ZNF600: variants seen among roughly 807,000 people sequenced by gnomAD.
The protein encoded by ZNF600 is zinc finger protein KR-ZNF1.
In ZNF600, 4 loss-of-function variants were observed where a neutral mutation model predicts 7.3. The ratio of observed to expected loss-of-function variants is 0.55; its 90% CI spans 0.27 to 1.25. ZNF600 has a LOEUF of 1.25. ZNF600 is among the 50% of genes most tolerant of loss of function. The pLI is 0.12. For synonymous variants in ZNF600, 290 were observed against 308.9 expected, an observed-to-expected ratio of 0.94 and a Z score of 0.64; for missense variants, 911 against 922.1, an observed-to-expected ratio of 0.99 and a Z score of 0.16.
At chr19:52,776,080 C>CATGTGCTATAT (rs72336748) in intron 2 of ZNF600, among the ~76,000 whole-genome samples, 2 of 19,404 alleles carry the variant, frequency 1.0e-4, no homozygotes, top group South Asian at 9.8e-4. Context: ...GAATGCTTCC[C>CATGTGCTATAT]ACTGTTCTAA....
chr19:52,795,527 C>T, the ZNF600 span, among the ~76,000 whole-genome samples: 4 of 151,982 alleles, frequency 2.6e-5, no homozygotes, highest in African/African-American at 7.2e-5. Flanking sequence ...GATGTGACTT[C>T]GTAAGATTAT....
At chr19:52,774,947 A>G (rs1266827947) in intron 2 of ZNF600, among the ~76,000 whole-genome samples, 2 of 152,204 alleles carry the variant, frequency 1.3e-5, no homozygotes, top group Non-Finnish European at 2.9e-5. Flanking sequence ...AAAAATAAAA[A>G]GGAAACACAG....
At chr19:52,764,999 G>A (rs114927671) in exon 4 of ZNF600, 3,662 of 230,672 alleles carry the variant, frequency 0.016, 127 homozygotes, top group African/African-American at 0.075. Flanking sequence ...GCCTCCAACC[G>A]TGCTGGAATT....
At chr19:52,778,934 T>A (rs765370867) in intron 1 of ZNF600, 27 bp from the exon 4 acceptor site, 96 of 1,574,084 alleles carry the variant, frequency 6.1e-5, no homozygotes, top group Middle Eastern at 5.1e-4. Flanking sequence ...ATGAGACTTC[T>A]TGTTAGAAAT....
At chr19:52,779,133 G>T (rs970356901) in intron 1 of ZNF600, among the ~76,000 whole-genome samples, 1 of 152,136 alleles carries the variant, frequency 6.6e-6, no homozygotes, top group Non-Finnish European at 1.5e-5. Flanking sequence ...CACACACTAG[G>T]CAGCAGTGGG....
At chr19:52,809,457 T>C in the ZNF600 span, among the ~76,000 whole-genome samples, 12 of 151,826 alleles carry the variant, frequency 7.9e-5, no homozygotes, top group East Asian at 1.2e-3. Flanking sequence ...AAGAAGAAAA[T>C]AGACACTGGC....
At chr19:52,789,944 G>T (rs552833403), upstream of ZNF600, among the ~76,000 whole-genome samples, 1 of 152,138 alleles carries the variant, frequency 6.6e-6, no homozygotes. Context: ...AGTCAAAGGG[G>T]GTTTGTTCCC....
upstream of ZNF600, among the ~76,000 whole-genome samples, chr19:52,790,528 C>T (rs2062788494): frequency 6.6e-6 from 1 of 151,968 alleles, no homozygotes; most frequent in East Asian, 1.9e-4. Context: ...AAAACAATTA[C>T]CCACATGTGG....
chr19:52,780,742 A>C (rs186119171), intron 1 of ZNF600: 1 of 152,300 alleles, frequency 6.6e-6, no homozygotes. Flanking sequence ...AAAACAAACA[A>C]ACAAACAAAA....
chr19:52,803,920 G>A, the ZNF600 span, among the ~76,000 whole-genome samples: 1 of 152,102 alleles, frequency 6.6e-6, no homozygotes, highest in East Asian at 1.9e-4. Flanking sequence ...TCATGCCACT[G>A]CATTCCAGCC....
the ZNF600 span, among the ~76,000 whole-genome samples, chr19:52,831,556 G>A: frequency 6.6e-6 from 1 of 151,768 alleles, no homozygotes; most frequent in Non-Finnish European, 1.5e-5. Flanking sequence ...AGGCTGGAGT[G>A]CAATGGTGCG....
Position 52,766,807 on chromosome 19 carries a change from G to T in ZNF600, c.1156C>A (p.Leu386Ile), listed in dbSNP as rs771791406. 38 of 1,613,944 alleles carry T rather than the reference G, an allele frequency of 2.4e-5. No individual in the cohort carries two copies. The highest frequency in any genetic ancestry group is 3.3e-4 in the Middle Eastern group (2 of 6,082). The change falls in exon 4 of 4, where the codon CTT (leucine) becomes ATT (isoleucine). Residue 386 changes from leucine to isoleucine, a missense_variant. Leu to Ile is a conservative substitution (Grantham distance 5). Coordinates refer to ENST00000648973, the Ensembl canonical transcript of ZNF600. Reference sequence around the variant, plus strand: ...GTATGAATTCTCTTATGTGACTCAAGGGTTGATTTCCGACTGAAAACTTTG... The same window carrying T: ...GTATGAATTCTCTTATGTGACTCAATGGTTGATTTCCGACTGAAAACTTTG...
the ZNF600 span, chr19:52,817,931 A>G: frequency 2.7e-5 from 43 of 1,610,320 alleles, no homozygotes; most frequent in Non-Finnish European, 3.3e-5. Flanking sequence ...ATCCACCGAG[A>G]ATACCATCTC....
the ZNF600 span, chr19:52,810,016 C>T: frequency 1.7e-5 from 13 of 754,384 alleles, no homozygotes; most frequent in African/African-American, 1.6e-4. Context: ...CTGTTGGAGC[C>T]GGAGCCCGAA....
chr19:52,768,393 T>C (rs1436915341), intron 3 of ZNF600, among the ~76,000 whole-genome samples: 1 of 149,626 alleles, frequency 6.7e-6, no homozygotes, highest in Non-Finnish European at 1.5e-5. Flanking sequence ...TGAGGCAAGA[T>C]TGCACCTCTG....
At chr19:52,808,858 A>T in the ZNF600 span, among the ~76,000 whole-genome samples, 10 of 152,034 alleles carry the variant, frequency 6.6e-5, no homozygotes, top group Non-Finnish European at 1.3e-4. Flanking sequence ...AAAGTACAAA[A>T]ATCAATTGTG....
At chr19:52,792,272 A>C in the ZNF600 span, among the ~76,000 whole-genome samples, 1 of 152,194 alleles carries the variant, frequency 6.6e-6, no homozygotes, top group Non-Finnish European at 1.5e-5. Flanking sequence ...GGCTGTGTGA[A>C]AGGAAATAAA....
At chr19:52,791,155 T>A (rs1415641203), upstream of ZNF600, among the ~76,000 whole-genome samples, 1 of 152,252 alleles carries the variant, frequency 6.6e-6, no homozygotes, top group African/African-American at 2.4e-5. Flanking sequence ...ATGTGGTTTC[T>A]CTGATCTCAT....
the ZNF600 span, among the ~76,000 whole-genome samples, chr19:52,828,347 C>T: frequency 1.3e-5 from 2 of 152,006 alleles, no homozygotes; most frequent in African/African-American, 2.4e-5. Context: ...GCACTGCACC[C>T]GGTGGCACTT....
Sources: gnomAD v4.1 joint callset for allele counts (sites outside exome capture counted in the v4.1 genomes callset) on GRCh38, gnomAD v4.1.1 for gene constraint, MANE v1.5 for transcripts, NCBI Gene and HGNC (gene_info 2026-07-23, HGNC 2026-07-21) for gene names.